CEP85L: variants seen among roughly 807,000 people sequenced by gnomAD.
CEP85L encodes the protein centrosomal protein of 85 kDa-like.
Under a neutral mutation model 100.3 loss-of-function variants are expected in CEP85L, and 60 were observed. The ratio of observed to expected loss-of-function variants is 0.60; its 90% CI spans 0.49 to 0.74. CEP85L has a LOEUF of 0.74. Ranked by LOEUF, CEP85L falls within the 30% of genes least tolerant of loss-of-function variation. CEP85L has a pLI of 0.00. For missense variants in CEP85L, 973 were observed against 936.2 expected (o/e 1.04, Z -0.51); for synonymous variants, 319 against 322.7 (o/e 0.99, Z 0.12).
chr6:118,635,621 C>T (rs1436235149), intron 1 of CEP85L, among the ~76,000 whole-genome samples: 1 of 152,112 alleles, frequency 6.6e-6, no homozygotes, highest in Non-Finnish European at 1.5e-5. Context: ...GCTCAAGATA[C>T]GCAAATTCAG....
intron 3 of CEP85L, among the ~76,000 whole-genome samples, chr6:118,539,531 A>G (rs1259004273): frequency 6.6e-6 from 1 of 152,248 alleles, no homozygotes; most frequent in African/African-American, 2.4e-5. Flanking sequence ...TGCCTACATT[A>G]TCTTGAAATG....
At chr6:118,674,055 A>G (rs1017735541) in intron 1 of CEP85L, among the ~76,000 whole-genome samples, 3 of 152,220 alleles carry the variant, frequency 2.0e-5, no homozygotes, top group African/African-American at 7.2e-5. Context: ...AAACTATAAA[A>G]TTCTTACTAG....
At chr6:118,640,001 CTTTT>C (rs1240122946) in intron 1 of CEP85L, among the ~76,000 whole-genome samples, 2 of 152,026 alleles carry the variant, frequency 1.3e-5, no homozygotes, top group Non-Finnish European at 1.5e-5. Flanking sequence ...ATCAATGCAG[CTTTT>C]TTTAAGGTAA....
intron 2 of CEP85L, among the ~76,000 whole-genome samples, chr6:118,601,223 C>T (rs1222602840): frequency 6.6e-6 from 1 of 152,128 alleles, no homozygotes; most frequent in Non-Finnish European, 1.5e-5. Flanking sequence ...TGTAAAGTGC[C>T]TAAAACATAG....
At chr6:118,693,682 A>G (rs1018882916) in intron 1 of CEP85L, among the ~76,000 whole-genome samples, 3 of 152,238 alleles carry the variant, frequency 2.0e-5, no homozygotes, top group Admixed American at 1.3e-4. Flanking sequence ...CCAAAATCAT[A>G]TCACAAAGCT....
rs115782085 is a variant in CEP85L, at chr6:118,577,707, G to A, written c.233-11391C>T. ...ATTAGCTGAAAAAGGTGGGGTCTGT[G>A]TCATAATTGGGGCCCAATGCTTACA... On this transcript the variant is annotated intron_variant, in intron 2 of 12. Transcript: ENST00000368491. Among the ~76,000 whole-genome samples, 493 of 152,296 alleles carry A rather than the reference G, an allele frequency of 3.2e-3. 6 individuals are homozygous for A. Among genetic ancestry groups the A allele is most frequent in the African/African-American group, 0.011 (475 of 41,554 alleles).
At chr6:118,563,777 T>C (rs918966663) in intron 3 of CEP85L, among the ~76,000 whole-genome samples, 2 of 152,172 alleles carry the variant, frequency 1.3e-5, no homozygotes, top group Non-Finnish European at 2.9e-5. Context: ...AAGAGGCTTT[T>C]AAGAAACAAC....
chr6:118,465,404 A>G lies in CEP85L; in HGVS notation c.*1T>C. ...ATTATTGCTGTGGGACTAACACTTG[A>G]TCACTGAGTAATGCAGTTGTCTCCC... On this transcript the variant is annotated 3_prime_UTR_variant, in exon 13 of 13. Coordinates refer to ENST00000368491, the MANE Select transcript of CEP85L (RefSeq NM_001042475.3). 1 of 1,612,314 alleles carries G rather than the reference A, an allele frequency of 6.2e-7. No homozygotes were observed. Among genetic ancestry groups the G allele is most frequent in the South Asian group, 1.1e-5 (1 of 90,922 alleles).
intron 4 of CEP85L, among the ~76,000 whole-genome samples, chr6:118,513,514 C>T (rs567516219): frequency 6.6e-6 from 1 of 152,142 alleles, no homozygotes; most frequent in African/African-American, 2.4e-5. Context: ...AATTTCTCAA[C>T]TGAAATAATG....
At chr6:118,597,717 G>T (rs1314792057) in intron 2 of CEP85L, among the ~76,000 whole-genome samples, 1 of 152,146 alleles carries the variant, frequency 6.6e-6, no homozygotes, top group Non-Finnish European at 1.5e-5. Context: ...GGATCAAAGG[G>T]TTTCTGGAGA....
chr6:118,550,540 C>A (rs985753882), intron 3 of CEP85L, among the ~76,000 whole-genome samples: 1 of 151,736 alleles, frequency 6.6e-6, no homozygotes, highest in Non-Finnish European at 1.5e-5. Context: ...ATTTGGTCCT[C>A]TTAATTATAT....
chr6:118,520,534 C>T (rs1235235076), intron 4 of CEP85L, among the ~76,000 whole-genome samples: 1 of 152,084 alleles, frequency 6.6e-6, no homozygotes, highest in Non-Finnish European at 1.5e-5. Context: ...TTTATCATTT[C>T]TTTGTGCTGT....
In CEP85L at chr6:118,563,978, G is replaced by GTT. The variant is rs1291423994; in HGVS notation, c.1020+1550_1020+1551insAA. Among the ~76,000 whole-genome samples the GTT allele has an allele frequency of 2.6e-5, 4 of 152,236 alleles. No individual in the cohort carries two copies. In the East Asian group the frequency reaches 5.8e-4, roughly 22 times the overall value. On this transcript the variant is annotated intron_variant, in intron 3 of 12. Coordinates refer to ENST00000368491, the MANE Select transcript of CEP85L (RefSeq NM_001042475.3). ...CTCCAAAACTTAAAAGCGCTATAAA[G>GTT]AGACCATCCCAAATAAAGTTAATCA... is the stretch of plus-strand genomic sequence containing the variant.
At chr6:118,552,704 G>A (rs1022160880) in intron 3 of CEP85L, among the ~76,000 whole-genome samples, 2 of 150,814 alleles carry the variant, frequency 1.3e-5, no homozygotes, top group East Asian at 3.9e-4. Context: ...AGGAAAGGAC[G>A]ACAACCAAAG....
At chr6:118,517,446 A>G (rs1776347421) in intron 4 of CEP85L, among the ~76,000 whole-genome samples, 1 of 152,134 alleles carries the variant, frequency 6.6e-6, no homozygotes, top group African/African-American at 2.4e-5. Context: ...TGCTCCTTGA[A>G]GAGGTCCTTC....
At chr6:118,647,679 A>G (rs1389760699) in intron 1 of CEP85L, among the ~76,000 whole-genome samples, 2 of 152,208 alleles carry the variant, frequency 1.3e-5, no homozygotes, top group Non-Finnish European at 2.9e-5. Context: ...GTATTTTAAA[A>G]AAATTATTTA....
At chr6:118,605,929 G>A (rs762382837) in intron 2 of CEP85L, among the ~76,000 whole-genome samples, 29 of 150,452 alleles carry the variant, frequency 1.9e-4, no homozygotes, top group Admixed American at 6.0e-4. Flanking sequence ...CAGGAGAATC[G>A]CTTGAACCCG....
At chr6:118,656,548 T>C (rs1159309816), upstream of CEP85L, among the ~76,000 whole-genome samples, 1 of 152,218 alleles carries the variant, frequency 6.6e-6, no homozygotes, top group Non-Finnish European at 1.5e-5. Flanking sequence ...GACCTTGATA[T>C]TCAGCCATGA....
chr6:118,618,368 G>C (rs1240082161), intron 2 of CEP85L, among the ~76,000 whole-genome samples: 1 of 152,176 alleles, frequency 6.6e-6, no homozygotes. Flanking sequence ...TGGAATTTAG[G>C]CAGGTGTTGC....
Sources: allele counts gnomAD v4.1 joint callset (sites outside exome capture counted in the v4.1 genomes callset), GRCh38; gene constraint gnomAD v4.1.1; transcripts MANE v1.5; gene names NCBI Gene and HGNC (gene_info 2026-07-23, HGNC 2026-07-21).